CEP57: variants seen among roughly 807,000 people sequenced by gnomAD.
CEP57 encodes the protein centrosomal protein of 57 kDa.
Under a neutral mutation model 68.0 loss-of-function variants are expected in CEP57, and 40 were observed. That is an observed-to-expected ratio of 0.59 (90% confidence interval 0.46 to 0.77). The LOEUF is 0.77. Ranked by LOEUF, CEP57 falls within the 30% of genes least tolerant of loss-of-function variation. The probability of loss-of-function intolerance (pLI) is 0.00; values close to 1 mark genes in which losing one functional copy is unlikely to be tolerated. For missense variants in CEP57, 606 were observed against 580.7 expected (o/e 1.04, Z -0.45); for synonymous variants, 219 against 198.7 (o/e 1.10, Z -0.86).
At chr11:95,828,081 T>A (rs964467575) in intron 9 of CEP57, 54 bp downstream of exon 9, 52 of 1,551,866 alleles carry the variant, frequency 3.4e-5, no homozygotes, top group Non-Finnish European at 4.2e-5. Flanking sequence ...CCTCATTTTT[T>A]AAAAACTTGT....
At chr11:95,791,083 G>T (rs1304795582) in intron 1 of CEP57, among the ~76,000 whole-genome samples, 1 of 152,198 alleles carries the variant, frequency 6.6e-6, no homozygotes, top group Non-Finnish European at 1.5e-5. Flanking sequence ...GGTCACGTGG[G>T]TTCAGCGGCC....
intron 8 of CEP57, chr11:95,827,346 A>T (rs1218510402): frequency 5.5e-6 from 1 of 180,388 alleles, no homozygotes; most frequent in Non-Finnish European, 1.2e-5. Context: ...GCTATGAGAG[A>T]GATGTAAAAA....
At chr11:95,807,483 C>T (rs1004643135) in intron 2 of CEP57, among the ~76,000 whole-genome samples, 20 of 152,208 alleles carry the variant, frequency 1.3e-4, no homozygotes, top group South Asian at 4.1e-4. Context: ...AAAGATTAGA[C>T]GAATGGCTAA....
chr11:95,817,150 G>T (rs142123332), intron 4 of CEP57, among the ~76,000 whole-genome samples: 1 of 151,398 alleles, frequency 6.6e-6, no homozygotes, highest in African/African-American at 2.4e-5. Context: ...GGTGGCTTAC[G>T]GGGTCAGGAG....
rs1269334858 is a variant in CEP57 at position 95,822,596 on chromosome 11, G to T, written c.885+20G>T. ...GGGAAGGTGAGTTGGTCAAACTCCGGATTCTTTTTATACAACATTGATCCC... is the reference window on the plus strand; with the variant it reads ...GGGAAGGTGAGTTGGTCAAACTCCGTATTCTTTTTATACAACATTGATCCC... On this transcript the variant is annotated intron_variant, in intron 8 of 10. Coordinates refer to ENST00000325542, the MANE Select transcript of CEP57 (RefSeq NM_014679.5). 1 of 1,590,992 alleles carries T rather than the reference G, an allele frequency of 6.3e-7. No homozygotes were observed.
At position 95,831,629 on chromosome 11, in the gene CEP57, T is replaced by C. The variant is rs1863011463; in HGVS notation, c.*373T>C. ...ATTTTCAAAATATGAGACTATGCTA[T>C]AGGCAGTGCTTGCTTGAAAAGTCTC... On this transcript the variant is annotated 3_prime_UTR_variant, in exon 11 of 11. Transcript: ENST00000325542. 1 of 154,622 alleles carries C rather than the reference T, an allele frequency of 6.5e-6. No homozygotes were observed. Among genetic ancestry groups the C allele is most frequent in the African/African-American group, 2.4e-5 (1 of 41,474 alleles). 9.6% of individuals were successfully genotyped at this position (154,622 alleles called of 1,614,324 possible).
chr11:95,823,949 A>C (rs1335939565), intron 8 of CEP57, among the ~76,000 whole-genome samples: 1 of 152,084 alleles, frequency 6.6e-6, no homozygotes, highest in African/African-American at 2.4e-5. Context: ...TGCTCCCAAG[A>C]AGCAGACAAA....
rs56260498 is a variant in CEP57 at position 95,820,579 on chromosome 11, C to CAAA, written c.700-1276_700-1274dup. Among the ~76,000 whole-genome samples the CAAA allele has an allele frequency of 1.4e-3, 113 of 82,416 alleles. 1 individual carries two copies. The highest frequency in any genetic ancestry group is 4.1e-3 in the African/African-American group (81 of 19,612). 54.1% of individuals were successfully genotyped at this position (82,416 alleles called of 152,430 possible). ...TGCATTCCATCCTGGGCAACAAGAG[C>CAAA]AAAAAAAAAAAAAAAAAACAGTGTT... is the stretch of plus-strand genomic sequence containing the variant. On this transcript the variant is annotated intron_variant, in intron 6 of 10. Coordinates refer to ENST00000325542, the MANE Select transcript of CEP57 (RefSeq NM_014679.5).
In CEP57 at chr11:95,831,241, G is replaced by C. The variant is rs756433197; in HGVS notation, c.1488G>C (p.Leu496Phe). 1.5e-5 allele frequency: 24 copies of C among 1,612,190 alleles called. No individual in the cohort carries two copies. Among genetic ancestry groups the C allele is most frequent in the Middle Eastern group, 3.3e-4 (2 of 6,050 alleles). ...SIQNSLQSSS[L>F]CWDY Reference sequence around the variant, plus strand: ...AGAATTCATTACAAAGCAGTAGTTTGTGTTGGGATTACTGACTCATAACCA... The same window carrying C: ...AGAATTCATTACAAAGCAGTAGTTTCTGTTGGGATTACTGACTCATAACCA... Residue 496 changes from leucine to phenylalanine, a missense_variant, in exon 11 of 11, where the codon TTG becomes TTC. Coordinates refer to ENST00000325542, the MANE Select transcript of CEP57 (RefSeq NM_014679.5).
rs1812524638 is a variant in CEP57 at position 95,817,830 on chromosome 11, A to C, written c.548A>C (p.Gln183Pro). The C allele has an allele frequency of 6.2e-7, 1 of 1,613,942 alleles. No individual in the cohort carries two copies. Among genetic ancestry groups the C allele is most frequent in the South Asian group, 1.1e-5 (1 of 91,084 alleles). Residue 183 changes from glutamine to proline, a missense_variant, in exon 5 of 11, where the codon CAG (glutamine) becomes CCG (proline). Transcript: ENST00000325542. ...RERQHDQTHV[Q>P]SQLEKLDLLE... is the part of the protein sequence containing the mutation. ...CGACAACATGATCAAACACATGTTC[A>C]GAGCCAACTTGAAAAATTGGATCTT...
chr11:95,811,611 T>C (rs1862065506), intron 2 of CEP57, among the ~76,000 whole-genome samples: 1 of 150,328 alleles, frequency 6.7e-6, no homozygotes, highest in African/African-American at 2.4e-5. Flanking sequence ...GGGAAAGAAT[T>C]AGGTATACCT....
In CEP57 at chr11:95,829,295, C is replaced by G. The variant is rs779009440; in HGVS notation, c.1236C>G (p.Ala412=). 4.6e-5 allele frequency: 74 copies of G among 1,613,444 alleles called. 1 individual carries two copies. The South Asian group carries it at 7.4e-4, about 16-fold the overall frequency. ...TAGTGGGAAGGATGGAAGCAAAAGC[C>G]AACCAAATAACTAAAGTTCGAAAAT... ...EALVGRMEAK[A]NQITKVRKYQ... Residue 412 remains alanine (A), a synonymous_variant, in exon 10 of 11, where the codon GCC becomes GCG. Transcript: ENST00000325542.
At chr11:95,794,143 T>C in intron 1 of CEP57, 1 of 385,710 alleles carries the variant, frequency 2.6e-6, no homozygotes, top group Non-Finnish European at 5.2e-6. Context: ...CTAGATCTTT[T>C]AGAGTGTAAA....
intron 2 of CEP57, among the ~76,000 whole-genome samples, chr11:95,802,893 T>C (rs1306366422): frequency 6.6e-6 from 1 of 152,162 alleles, no homozygotes; most frequent in Non-Finnish European, 1.5e-5. Flanking sequence ...CAGAGTAGTA[T>C]TTTGTTCATG....
chr11:95,829,464 T>C (rs1862909656), intron 10 of CEP57, 133 bp downstream of exon 10: 3 of 954,576 alleles, frequency 3.1e-6, no homozygotes, highest in South Asian at 2.8e-5. Flanking sequence ...CTGAAGACAT[T>C]TGTTCATTGA....
At chr11:95,826,676 T>C (rs1862756423) in intron 8 of CEP57, 1 of 152,172 alleles carries the variant, frequency 6.6e-6, no homozygotes, top group African/African-American at 2.4e-5. Flanking sequence ...TGTTCAAGGG[T>C]CAAGTGCATA....
At chr11:95,800,377 A>G (rs909393784) in intron 2 of CEP57, among the ~76,000 whole-genome samples, 3 of 148,578 alleles carry the variant, frequency 2.0e-5, no homozygotes, top group Non-Finnish European at 4.4e-5. Context: ...GTAGTCTCTC[A>G]TGTTTCTTTT....
At chr11:95,819,015 A>G (rs560205172) in intron 6 of CEP57, 111 bp downstream of exon 6, 14 of 848,016 alleles carry the variant, frequency 1.7e-5, no homozygotes, top group African/African-American at 1.5e-4. Context: ...GAATAGTCCA[A>G]CATACAAATT....
intron 2 of CEP57, among the ~76,000 whole-genome samples, chr11:95,801,212 GA>G (rs1045947218): frequency 2.0e-5 from 3 of 152,134 alleles, no homozygotes; most frequent in African/African-American, 7.2e-5. Context: ...AATGGGTGCT[GA>G]AAAGTGTTTA....
Sources: gnomAD v4.1 joint callset for allele counts (sites outside exome capture counted in the v4.1 genomes callset) on GRCh38, gnomAD v4.1.1 for gene constraint, MANE v1.5 for transcripts, NCBI Gene and HGNC (gene_info 2026-07-23, HGNC 2026-07-21) for gene names.